The following TRAPPC9 variants were observed in gnomAD, a reference collection of about 807,000 sequenced individuals.
TRAPPC9 encodes the protein trafficking protein particle complex subunit 9, also known as IKK2 binding protein.
In TRAPPC9, 83 loss-of-function variants were observed where a neutral mutation model predicts 124.0. The ratio of observed to expected loss-of-function variants is 0.67; its 90% CI spans 0.56 to 0.80. TRAPPC9 has a LOEUF of 0.80. Among genes scored for constraint, TRAPPC9 ranks in the 30% least tolerant of loss-of-function variants. The probability of loss-of-function intolerance (pLI) is 0.00; values close to 1 mark genes in which losing one functional copy is unlikely to be tolerated. For missense variants in TRAPPC9, 1,302 were observed against 1,508.3 expected, an observed-to-expected ratio of 0.86 and a Z score of 2.27; for synonymous variants, 638 against 617.5, an observed-to-expected ratio of 1.03 and a Z score of -0.49.
At chr8:140,041,342 T>G (rs1475653017) in intron 17 of TRAPPC9, among the ~76,000 whole-genome samples, 1 of 152,190 alleles carries the variant, frequency 6.6e-6, no homozygotes, top group African/African-American at 2.4e-5. Context: ...TCAGTACAGG[T>G]GTTCAAACAG....
At chr8:140,416,828 T>G (rs892722289) in intron 5 of TRAPPC9, among the ~76,000 whole-genome samples, 4 of 152,078 alleles carry the variant, frequency 2.6e-5, no homozygotes, top group South Asian at 2.1e-4. Context: ...ATACTACAAG[T>G]CTACAGTAAC....
chr8:139,994,735 T>C (rs1837857863), intron 18 of TRAPPC9, among the ~76,000 whole-genome samples: 1 of 152,160 alleles, frequency 6.6e-6, no homozygotes. Context: ...AAATGATGTT[T>C]CAGTTAGGAA....
At chr8:140,107,274 T>A (rs962156436) in intron 17 of TRAPPC9, among the ~76,000 whole-genome samples, 1 of 152,208 alleles carries the variant, frequency 6.6e-6, no homozygotes, top group Admixed American at 6.5e-5. Flanking sequence ...TTAGTAATTA[T>A]GAAATCTCAG....
intron 19 of TRAPPC9, among the ~76,000 whole-genome samples, chr8:139,939,394 G>A (rs1833761121): frequency 6.6e-6 from 1 of 152,210 alleles, no homozygotes; most frequent in Non-Finnish European, 1.5e-5. Context: ...GAGCCAGAGA[G>A]GGCAGCCCCT....
intron 17 of TRAPPC9, among the ~76,000 whole-genome samples, chr8:140,146,720 C>T (rs1282339751): frequency 6.6e-6 from 1 of 152,180 alleles, no homozygotes; most frequent in Admixed American, 6.5e-5. Flanking sequence ...TCTTCCTATG[C>T]CTCTAATATT....
At chr8:139,766,006 C>T (rs1282070066) in intron 21 of TRAPPC9, among the ~76,000 whole-genome samples, 3 of 152,242 alleles carry the variant, frequency 2.0e-5, no homozygotes, top group Non-Finnish European at 4.4e-5. Flanking sequence ...CAAAGGGCTA[C>T]CAGCACAAAC....
chr8:140,200,699 C>T (rs915247446), intron 17 of TRAPPC9, among the ~76,000 whole-genome samples: 11 of 152,114 alleles, frequency 7.2e-5, no homozygotes, highest in Non-Finnish European at 1.2e-4. Context: ...CATCATAAAC[C>T]GGAAGACACT....
chr8:139,871,610 C>T (rs10093882), intron 21 of TRAPPC9, among the ~76,000 whole-genome samples: 9,871 of 152,198 alleles, frequency 0.065, 737 homozygotes, highest in African/African-American at 0.18. Flanking sequence ...CAGGAATAGA[C>T]GACTGCAGAA....
intron 21 of TRAPPC9, among the ~76,000 whole-genome samples, chr8:139,777,377 T>C (rs1467709346): frequency 6.6e-6 from 1 of 152,210 alleles, no homozygotes; most frequent in Non-Finnish European, 1.5e-5. Context: ...TGGCTCCAAA[T>C]AAGCCCCAGA....
chr8:140,027,592 A>G (rs1186306443), intron 17 of TRAPPC9, among the ~76,000 whole-genome samples: 1 of 152,230 alleles, frequency 6.6e-6, no homozygotes, highest in Admixed American at 6.5e-5. Flanking sequence ...AAACCACAAA[A>G]AAGATATAAT....
At chr8:140,290,469 CAGAAG>C (rs2065619932) in intron 12 of TRAPPC9, among the ~76,000 whole-genome samples, 1 of 152,166 alleles carries the variant, frequency 6.6e-6, no homozygotes, top group Non-Finnish European at 1.5e-5. Flanking sequence ...GCATTTCCAA[CAGAAG>C]AGATTACAAA....
chr8:140,314,390 A>AT (rs571743288), intron 9 of TRAPPC9, among the ~76,000 whole-genome samples: 136 of 152,346 alleles, frequency 8.9e-4, no homozygotes, highest in Non-Finnish European at 1.3e-3. Context: ...CATTTACTGT[A>AT]TAACAATCAA....
At chr8:140,183,051 A>T in intron 17 of TRAPPC9, among the ~76,000 whole-genome samples, 1 of 152,164 alleles carries the variant, frequency 6.6e-6, no homozygotes, top group East Asian at 1.9e-4. Flanking sequence ...ATAAGCTTGA[A>T]TTTGTCATAT....
chr8:139,964,781 A>G (rs1324882895), intron 19 of TRAPPC9, among the ~76,000 whole-genome samples: 1 of 152,182 alleles, frequency 6.6e-6, no homozygotes, highest in Non-Finnish European at 1.5e-5. Flanking sequence ...AGGAAAAATA[A>G]TATTTGCTGG....
chr8:140,394,008 A>G (rs2069013640), intron 7 of TRAPPC9, among the ~76,000 whole-genome samples: 1 of 152,140 alleles, frequency 6.6e-6, no homozygotes, highest in African/African-American at 2.4e-5. Flanking sequence ...GTCTTTGCTG[A>G]CCTCTAGTGG....
chr8:140,378,467 A>C (rs1426161395), intron 7 of TRAPPC9, among the ~76,000 whole-genome samples: 1 of 152,070 alleles, frequency 6.6e-6, no homozygotes, highest in Non-Finnish European at 1.5e-5. Flanking sequence ...TTGGACTCCA[A>C]GTTCTTCATT....
chr8:139,859,677 T>A (rs901578852), intron 21 of TRAPPC9, among the ~76,000 whole-genome samples: 1 of 152,166 alleles, frequency 6.6e-6, no homozygotes, highest in Non-Finnish European at 1.5e-5. Context: ...TGGGGACATA[T>A]AACAGTTCAG....
At chr8:139,737,440 A>G (rs1186264232) in intron 21 of TRAPPC9, among the ~76,000 whole-genome samples, 6 of 99,718 alleles carry the variant, frequency 6.0e-5, no homozygotes, top group Admixed American at 5.9e-4. Context: ...ACCTTCCCAC[A>G]GCCTTCAGGC....
chr8:140,423,579 TAC>T (rs35333495), intron 5 of TRAPPC9, among the ~76,000 whole-genome samples: 32,072 of 145,246 alleles, frequency 0.22, 4,130 homozygotes, highest in East Asian at 0.36. Flanking sequence ...AAATGTGGCA[TAC>T]ACACACACAC....
Sources: gnomAD v4.1 joint callset for allele counts (sites outside exome capture counted in the v4.1 genomes callset) on GRCh38, gnomAD v4.1.1 for gene constraint, MANE v1.5 for transcripts, NCBI Gene and HGNC (gene_info 2026-07-23, HGNC 2026-07-21) for gene names.